The following TBL1X variants were observed in gnomAD, a reference collection of about 807,000 sequenced individuals.
The protein encoded by TBL1X is F-box-like/WD repeat-containing protein TBL1X.
Under a neutral mutation model 50.7 loss-of-function variants are expected in TBL1X, and 10 were observed. The ratio of observed to expected loss-of-function variants is 0.20; its 90% CI spans 0.12 to 0.33. TBL1X has a LOEUF of 0.33. Among genes scored for constraint, TBL1X ranks in the 10% least tolerant of loss-of-function variants. TBL1X has a pLI of 1.00. For synonymous variants in TBL1X, 190 were observed against 214.7 expected (o/e 0.88, Z 1.01); for missense variants, 340 against 504.4 (o/e 0.67, Z 3.12).
At chrX:9,465,021 G>A (rs1378097617), upstream of TBL1X, 4 of 109,240 alleles carry the variant, frequency 3.7e-5, no homozygotes, top group African/African-American at 1.0e-4. Flanking sequence ...CCGGCGGCGG[G>A]GGCGGACCCC....
intron 2 of TBL1X, among the ~76,000 whole-genome samples, chrX:9,569,232 C>T (rs914227314): frequency 1.0e-5 from 1 of 96,655 alleles, no homozygotes; most frequent in African/African-American, 4.0e-5. Context: ...TTTGTGGTGT[C>T]TGCAGTGTGC....
At chrX:9,599,851 A>G (rs2082545490) in intron 2 of TBL1X, among the ~76,000 whole-genome samples, 1 of 112,432 alleles carries the variant, frequency 8.9e-6, no homozygotes, top group African/African-American at 3.2e-5. Flanking sequence ...AAAATACATT[A>G]TATGTTAGAA....
chrX:9,713,234 C>T (rs1265109472), intron 16 of TBL1X, among the ~76,000 whole-genome samples: 30 of 110,952 alleles, frequency 2.7e-4, no homozygotes, highest in Admixed American at 4.8e-4. Context: ...CCGGGAAGCA[C>T]GCATCTCAGC....
intron 5 of TBL1X, among the ~76,000 whole-genome samples, chrX:9,673,303 C>T (rs1352209758): frequency 8.9e-6 from 1 of 112,573 alleles, no homozygotes; most frequent in African/African-American, 3.2e-5. Context: ...AGATATCCTA[C>T]CCTTGTCAGT....
intron 2 of TBL1X, chrX:9,535,124 G>T (rs1382345646): frequency 9.0e-6 from 1 of 111,443 alleles, no homozygotes; most frequent in Admixed American, 9.6e-5. Context: ...CTTGGGATCT[G>T]TGCAGACCCA....
At chrX:9,528,765 A>C (rs2082145369) in intron 2 of TBL1X, among the ~76,000 whole-genome samples, 1 of 109,151 alleles carries the variant, frequency 9.2e-6, no homozygotes, top group African/African-American at 3.3e-5. Flanking sequence ...GGGCGGGGTC[A>C]CAGAGTCTTT....
chrX:9,557,077 G>A (rs1005520975), intron 2 of TBL1X, among the ~76,000 whole-genome samples: 10 of 111,990 alleles, frequency 8.9e-5, no homozygotes, highest in African/African-American at 3.2e-4. Flanking sequence ...TGCAACTTAA[G>A]TTGTTCATGG....
intron 1 of TBL1X, among the ~76,000 whole-genome samples, chrX:9,493,855 T>C (rs996886753): frequency 8.9e-6 from 1 of 111,956 alleles, no homozygotes; most frequent in Non-Finnish European, 1.9e-5. Flanking sequence ...TCTCTTTTCC[T>C]GGAAAGAACC....
At chrX:9,609,635 G>A (rs1250978108) in intron 2 of TBL1X, among the ~76,000 whole-genome samples, 34 of 110,992 alleles carry the variant, frequency 3.1e-4, no homozygotes, top group Admixed American at 2.9e-3. Flanking sequence ...AAATAGAACT[G>A]GAGGGCTCTT....
intron 2 of TBL1X, among the ~76,000 whole-genome samples, chrX:9,557,093 G>A (rs1423237531): frequency 3.6e-5 from 4 of 112,009 alleles, no homozygotes; most frequent in Non-Finnish European, 5.6e-5. Context: ...CATGGTTTCT[G>A]GGAATCAGGA....
At chrX:9,473,495 G>C (rs1170347670) in intron 1 of TBL1X, among the ~76,000 whole-genome samples, 2 of 112,097 alleles carry the variant, frequency 1.8e-5, no homozygotes, top group Middle Eastern at 4.6e-3. Flanking sequence ...GTTTGTTCTT[G>C]TCCGATGGGA....
chrX:9,495,784 G>A (rs188897303), intron 1 of TBL1X, among the ~76,000 whole-genome samples: 187 of 111,731 alleles, frequency 1.7e-3, no homozygotes, highest in African/African-American at 5.8e-3. Flanking sequence ...ATTTTAAGCA[G>A]CAAAGTCACC....
chrX:9,498,751 G>A (rs1054902031), intron 1 of TBL1X, among the ~76,000 whole-genome samples: 36 of 112,766 alleles, frequency 3.2e-4, no homozygotes, highest in African/African-American at 1.1e-3. Context: ...GCCCATTGGG[G>A]ACATGGAGGA....
chrX:9,688,866 A>G (rs986365610), intron 7 of TBL1X, among the ~76,000 whole-genome samples: 3 of 113,610 alleles, frequency 2.6e-5, no homozygotes, highest in African/African-American at 6.4e-5. Context: ...CAGAGCGAGC[A>G]TATGTGCCGT....
At chrX:9,500,276 CAAAAA>C (rs386416596) in intron 1 of TBL1X, among the ~76,000 whole-genome samples, 1 of 39,774 alleles carries the variant, frequency 2.5e-5, no homozygotes, top group African/African-American at 1.0e-4. Context: ...GACCCTGTCT[CAAAAA>C]AAAAAAAAAA....
At chrX:9,575,911 CTG>C (rs1251179741) in intron 2 of TBL1X, among the ~76,000 whole-genome samples, 1 of 111,486 alleles carries the variant, frequency 9.0e-6, no homozygotes, top group African/African-American at 3.3e-5. Context: ...TGAGAAAAGT[CTG>C]TTGTCAGTGT....
At chrX:9,464,424 G>A (rs1392522255), upstream of TBL1X, among the ~76,000 whole-genome samples, 1 of 111,274 alleles carries the variant, frequency 9.0e-6, no homozygotes, top group Non-Finnish European at 1.9e-5. Context: ...TTTTGCAAAG[G>A]TCGAGGCTCC....
At chrX:9,570,648 G>A (rs1166074679) in intron 2 of TBL1X, among the ~76,000 whole-genome samples, 1 of 106,438 alleles carries the variant, frequency 9.4e-6, no homozygotes, top group African/African-American at 3.4e-5. Context: ...TTATAAACAA[G>A]GATGGTTTCC....
At chrX:9,496,234 G>T (rs1355895985) in intron 1 of TBL1X, among the ~76,000 whole-genome samples, 1 of 112,072 alleles carries the variant, frequency 8.9e-6, no homozygotes, top group African/African-American at 3.2e-5. Context: ...GGTGGGGACT[G>T]AGTAGGGAAA....
Sources: allele counts gnomAD v4.1 joint callset (sites outside exome capture counted in the v4.1 genomes callset), GRCh38; gene constraint gnomAD v4.1.1; transcripts MANE v1.5; gene names NCBI Gene and HGNC (gene_info 2026-07-23, HGNC 2026-07-21).